The following ZSWIM6 variants were observed in gnomAD, a reference collection of about 807,000 sequenced individuals.
The protein encoded by ZSWIM6 is zinc finger SWIM-type containing 6, also known as zinc finger SWIM domain-containing protein 6.
Under a neutral mutation model 113.2 loss-of-function variants are expected in ZSWIM6, and 9 were observed. The observed-to-expected ratio is 0.08, with a 90% confidence interval of 0.05 to 0.14. ZSWIM6 has a LOEUF of 0.14. Among genes scored for constraint, ZSWIM6 ranks in the 10% least tolerant of loss-of-function variants. The pLI, the probability that ZSWIM6 is intolerant of heterozygous loss-of-function variation, is 1.00. For synonymous variants in ZSWIM6, 611 were observed against 606.5 expected (o/e 1.01, Z -0.11); for missense variants, 1,162 against 1,552.2 (o/e 0.75, Z 4.22).
intron 1 of ZSWIM6, among the ~76,000 whole-genome samples, chr5:61,456,426 A>G (rs1484658332): frequency 6.6e-6 from 1 of 152,192 alleles, no homozygotes; most frequent in African/African-American, 2.4e-5. Context: ...TTGTCCTCCT[A>G]ATAGACCGGC....
At chr5:61,382,316 C>T (rs1335673459) in intron 1 of ZSWIM6, among the ~76,000 whole-genome samples, 1 of 152,190 alleles carries the variant, frequency 6.6e-6, no homozygotes, top group African/African-American at 2.4e-5. Context: ...TCTGCTGCCC[C>T]TTGGCATGGT....
At chr5:61,378,548 A>C (rs960473361) in intron 1 of ZSWIM6, among the ~76,000 whole-genome samples, 1 of 149,804 alleles carries the variant, frequency 6.7e-6, no homozygotes, top group Admixed American at 6.7e-5. Flanking sequence ...ACCCTTTAAT[A>C]CCTTTCAGAT....
At chr5:61,510,437 G>T (rs760883004) in intron 4 of ZSWIM6, among the ~76,000 whole-genome samples, 2 of 151,620 alleles carry the variant, frequency 1.3e-5, no homozygotes, top group African/African-American at 4.9e-5. Context: ...CTGGCTAGGT[G>T]TAAGATGGGA....
intron 1 of ZSWIM6, among the ~76,000 whole-genome samples, chr5:61,433,195 C>T (rs1292933160): frequency 1.3e-5 from 2 of 152,248 alleles, no homozygotes; most frequent in East Asian, 3.9e-4. Context: ...GGCTTACTAC[C>T]TTTCATTCCC....
chr5:61,383,713 AT>A (rs1195438650), intron 1 of ZSWIM6, among the ~76,000 whole-genome samples: 1 of 151,238 alleles, frequency 6.6e-6, no homozygotes, highest in Non-Finnish European at 1.5e-5. Flanking sequence ...CGTCCAGCTA[AT>A]TTTTGTATTT....
At chr5:61,469,862 C>G (rs189007700) in intron 1 of ZSWIM6, among the ~76,000 whole-genome samples, 1 of 152,312 alleles carries the variant, frequency 6.6e-6, no homozygotes, top group Admixed American at 6.5e-5. Flanking sequence ...TGCCTGCCCC[C>G]ATGCCTGGCT....
At chr5:61,353,936 C>T (rs1744843404) in intron 1 of ZSWIM6, among the ~76,000 whole-genome samples, 1 of 152,210 alleles carries the variant, frequency 6.6e-6, no homozygotes, top group South Asian at 2.1e-4. Context: ...ATTGTGTTGG[C>T]AGCCCTGTAG....
rs902802266 is a variant in ZSWIM6 at position 61,490,251 on chromosome 5, C to G, written c.1034-535C>G. 2.6e-5 allele frequency among the ~76,000 whole-genome samples: 4 copies of G among 152,026 alleles called. No individual in the cohort carries two copies. In the South Asian group the frequency reaches 8.3e-4, roughly 31 times the overall value. On this transcript the variant is annotated intron_variant, in intron 2 of 13. Transcript: ENST00000252744. Reference sequence around the variant, plus strand: ...ACAACCTGGTTTAATACAACAGCTGCACTGCCTGTTCCCATGTGGCTTGAT... The same window carrying G: ...ACAACCTGGTTTAATACAACAGCTGGACTGCCTGTTCCCATGTGGCTTGAT...
chr5:61,334,847 A>C (rs1257954268), intron 1 of ZSWIM6, among the ~76,000 whole-genome samples: 2 of 150,352 alleles, frequency 1.3e-5, no homozygotes, highest in Non-Finnish European at 3.0e-5. Context: ...TCAGTATAAC[A>C]AACTAGAGTC....
At chr5:61,540,913 T>TG (rs1265108578) in intron 12 of ZSWIM6, among the ~76,000 whole-genome samples, 2 of 126,602 alleles carry the variant, frequency 1.6e-5, no homozygotes, top group African/African-American at 6.6e-5. Flanking sequence ...GGATATTTTG[T>TG]GGGTTTTTTT....
At chr5:61,485,636 T>C (rs1747998331) in intron 2 of ZSWIM6, among the ~76,000 whole-genome samples, 1 of 152,210 alleles carries the variant, frequency 6.6e-6, no homozygotes. Flanking sequence ...ACCAAGTTCT[T>C]GTTGCATTTA....
intron 1 of ZSWIM6, among the ~76,000 whole-genome samples, chr5:61,426,753 GCCCA>G (rs1746469868): frequency 6.6e-6 from 1 of 151,512 alleles, no homozygotes; most frequent in South Asian, 2.1e-4. Context: ...AGAATAGCAT[GCCCA>G]CCTTTTTCTA....
In ZSWIM6 at chr5:61,332,936, G is replaced by A. The variant is rs1185631442; in HGVS notation, c.664G>A (p.Val222Ile). 4 of 1,350,544 alleles carry A rather than the reference G, an allele frequency of 3.0e-6. No individual in the cohort carries two copies. Among genetic ancestry groups the A allele is most frequent in the Non-Finnish European group, 3.9e-6 (4 of 1,038,626 alleles). The allele number at this position is 1,350,544 out of a possible 1,614,324, so 83.7% of individuals were successfully genotyped here. A position where few individuals can be genotyped will look rare whatever the true frequency, so the allele number is the denominator to read the frequency against. ...GTTGGAAAGCGGCTGCGTAGACAAC[G>A]TCCTGCAAGTCGGTGAGTCACGGGG... is the stretch of plus-strand genomic sequence containing the variant. The part of the protein sequence containing the change: ...ALLESGCVDN[V>I]LQVGFHLSGT... The change falls in exon 1 of 14, where the codon GTC becomes ATC. Residue 222 changes from valine (V) to isoleucine (I), a missense_variant. Val to Ile is a conservative substitution (Grantham distance 29, BLOSUM62 3). Transcript: ENST00000252744.
intron 1 of ZSWIM6, among the ~76,000 whole-genome samples, chr5:61,402,117 T>C (rs1415650235): frequency 1.3e-5 from 2 of 152,204 alleles, no homozygotes; most frequent in Non-Finnish European, 2.9e-5. Flanking sequence ...CTTGTCACCT[T>C]TAAAATGTCG....
At chr5:61,352,623 A>G (rs1396858375) in intron 1 of ZSWIM6, among the ~76,000 whole-genome samples, 1 of 152,272 alleles carries the variant, frequency 6.6e-6, no homozygotes, top group Non-Finnish European at 1.5e-5. Context: ...GATTTTCCAA[A>G]GGTACACTTG....
intron 1 of ZSWIM6, among the ~76,000 whole-genome samples, chr5:61,342,887 AACT>A (rs1364623897): frequency 2.6e-5 from 4 of 152,192 alleles, no homozygotes; most frequent in African/African-American, 7.2e-5. Flanking sequence ...TTACTTGAAA[AACT>A]ACTACATTAA....
chr5:61,529,529 C>G (rs1183199187), intron 7 of ZSWIM6, among the ~76,000 whole-genome samples: 1 of 152,170 alleles, frequency 6.6e-6, no homozygotes, highest in African/African-American at 2.4e-5. Context: ...AAGTCTAACC[C>G]AAGCTACAGC....
At chr5:61,334,466 C>T (rs1217537832) in intron 1 of ZSWIM6, among the ~76,000 whole-genome samples, 1 of 152,144 alleles carries the variant, frequency 6.6e-6, no homozygotes. Context: ...TAACTTAATC[C>T]TTTTTCTCTT....
At chr5:61,375,276 C>T (rs1745348842) in intron 1 of ZSWIM6, 2 of 1,611,614 alleles carry the variant, frequency 1.2e-6, no homozygotes, top group Non-Finnish European at 1.7e-6. Context: ...AGAAAGGCTC[C>T]AAGGCTTTGG....
Sources: allele counts gnomAD v4.1 joint callset (sites outside exome capture counted in the v4.1 genomes callset), GRCh38; gene constraint gnomAD v4.1.1; transcripts MANE v1.5; gene names NCBI Gene and HGNC (gene_info 2026-07-23, HGNC 2026-07-21).